Variants in XPO1 observed in about 807,000 individuals in gnomAD.
The protein encoded by XPO1 is exportin-1.
A neutral mutation model predicts 133.3 loss-of-function variants in XPO1; 5 were observed. That is an observed-to-expected ratio of 0.04 (90% CI 0.02 to 0.08). The LOEUF (loss-of-function observed/expected upper bound fraction) is 0.08, where lower values mean the gene tolerates loss of function less well. Ranked by LOEUF, XPO1 falls within the 10% of genes least tolerant of loss-of-function variation. The pLI is 1.00. For synonymous variants in XPO1, 419 were observed against 408.2 expected (o/e 1.03, Z -0.32); for missense variants, 506 against 1,267.5 (o/e 0.40, Z 9.12).
intron 21 of XPO1, 59 bp downstream of exon 21, chr2:61,483,878 A>T: frequency 6.4e-7 from 1 of 1,558,378 alleles, no homozygotes; most frequent in Non-Finnish European, 8.8e-7. Context: ...ATGTACAATT[A>T]ACTATATTTG....
At chr2:61,501,951 A>G (rs1417715898) in intron 6 of XPO1, 45 bp downstream of exon 6, 7 of 1,492,972 alleles carry the variant, frequency 4.7e-6, no homozygotes, top group Non-Finnish European at 6.4e-6. Flanking sequence ...TTGTTCAAAT[A>G]ATAAGCATAA....
chr2:61,534,620 T>C (rs1040375647), intron 1 of XPO1: 1 of 152,130 alleles, frequency 6.6e-6, no homozygotes, highest in Non-Finnish European at 1.5e-5. Flanking sequence ...GAGACGGAGT[T>C]TGCAGTAAGC....
At chr2:61,516,545 G>A (rs1015915083) in intron 4 of XPO1, among the ~76,000 whole-genome samples, 3 of 151,838 alleles carry the variant, frequency 2.0e-5, no homozygotes, top group Non-Finnish European at 4.4e-5. Flanking sequence ...CTCCCCAATA[G>A]CTGGGATTAC....
chr2:61,527,800 A>T (rs1698970050), intron 2 of XPO1, among the ~76,000 whole-genome samples: 2 of 152,126 alleles, frequency 1.3e-5, no homozygotes, highest in Non-Finnish European at 2.9e-5. Flanking sequence ...CAACCCAGAA[A>T]TACTAATCTA....
At chr2:61,507,585 T>A (rs2104584505) in intron 4 of XPO1, among the ~76,000 whole-genome samples, 1 of 150,518 alleles carries the variant, frequency 6.6e-6, no homozygotes, top group Admixed American at 6.6e-5. Context: ...AAAAAAAAAA[T>A]CAAACAAGGC....
chr2:61,500,705 AGG>A (rs2104514055), intron 6 of XPO1, among the ~76,000 whole-genome samples: 1 of 152,136 alleles, frequency 6.6e-6, no homozygotes, highest in Admixed American at 6.5e-5. Context: ...AGGCCAAGGC[AGG>A]AGAATTGCTT....
rs557411079 is a variant in XPO1 at position 61,522,597 on chromosome 2, C to T, written c.301+14G>A. 4.4e-5 allele frequency: 71 copies of T among 1,608,054 alleles called. No homozygotes were observed. The South Asian group carries it at 7.2e-4, about 16-fold the overall frequency. ...AAAACAAAACTCTGAATTTATAATTCTTTATTTTCCTACCTTCGCACTGGT... is the reference window on the plus strand; with the variant it reads ...AAAACAAAACTCTGAATTTATAATTTTTTATTTTCCTACCTTCGCACTGGT... On this transcript the variant is annotated intron_variant, in intron 4 of 24. Coordinates refer to ENST00000401558, the MANE Select transcript of XPO1 (RefSeq NM_003400.4).
At chr2:61,528,253 T>C (rs973247984) in intron 2 of XPO1, among the ~76,000 whole-genome samples, 1 of 152,174 alleles carries the variant, frequency 6.6e-6, no homozygotes, top group African/African-American at 2.4e-5. Flanking sequence ...ACTTAGTGTG[T>C]CTTTTCCTGT....
In XPO1 at chr2:61,478,079, T is replaced by TAACA. The variant is rs1696147943; in HGVS notation, c.*737_*740dup. 1 of 230,758 alleles carries TAACA rather than the reference T, an allele frequency of 4.3e-6. No individual in the cohort carries two copies. The highest frequency in any genetic ancestry group is 2.2e-5 in the African/African-American group (1 of 45,182). 14.3% of individuals were successfully genotyped at this position (230,758 alleles called of 1,614,324 possible). On this transcript the variant is annotated 3_prime_UTR_variant, in exon 25 of 25. Coordinates refer to ENST00000401558, the MANE Select transcript of XPO1 (RefSeq NM_003400.4). ...GTTGTTAAAAAGATGCAGCCTATTC[T>TAACA]AACAGGATAAATATTTTTAACCATT...
At chr2:61,507,085 A>G (rs942352422) in intron 4 of XPO1, among the ~76,000 whole-genome samples, 2 of 151,674 alleles carry the variant, frequency 1.3e-5, no homozygotes, top group African/African-American at 2.4e-5. Context: ...CAAAAAATAA[A>G]AACAAAAAAA....
chr2:61,493,843 T>A (rs1386814459), intron 12 of XPO1, 51 bp downstream of exon 12: 1 of 1,592,878 alleles, frequency 6.3e-7, no homozygotes, highest in Non-Finnish European at 8.6e-7. Context: ...GATTCAGACC[T>A]CAAAACCACA....
At chr2:61,500,578 C>CAAAAAAAAAAAAAAAAAAAAAAAAAA (rs56213841) in intron 6 of XPO1, among the ~76,000 whole-genome samples, 1 of 40,424 alleles carries the variant, frequency 2.5e-5, no homozygotes. Flanking sequence ...GACTCCATCT[C>CAAAAAAAAAAAAAAAAAAAAAAAAAA]AAAAAAAAAA....
chr2:61,527,763 C>A (rs975522754), intron 2 of XPO1, among the ~76,000 whole-genome samples: 1 of 151,964 alleles, frequency 6.6e-6, no homozygotes, highest in African/African-American at 2.4e-5. Context: ...AAACTATTTC[C>A]GTTTTTATTT....
At chr2:61,488,135 G>C (rs1321414279) in intron 19 of XPO1, 30 bp downstream of exon 19, 2 of 1,586,252 alleles carry the variant, frequency 1.3e-6, no homozygotes, top group African/African-American at 1.3e-5. Context: ...ATCAACACTA[G>C]AAATCAAAAG....
At chr2:61,525,095 C>A (rs1397913987) in intron 3 of XPO1, among the ~76,000 whole-genome samples, 1 of 152,060 alleles carries the variant, frequency 6.6e-6, no homozygotes, top group African/African-American at 2.4e-5. Context: ...GGACAGATAA[C>A]AGCAAAGACT....
chr2:61,494,155 A>C (rs745817041), intron 11 of XPO1, 64 bp from the exon 12 acceptor site: 140 of 1,421,242 alleles, frequency 9.9e-5, no homozygotes, highest in Non-Finnish European at 1.3e-4. Flanking sequence ...ATTGCTTTTC[A>C]CTTGTTACAC....
At chr2:61,518,593 G>A (rs1002441798) in intron 4 of XPO1, among the ~76,000 whole-genome samples, 1 of 151,858 alleles carries the variant, frequency 6.6e-6, no homozygotes, top group African/African-American at 2.4e-5. Flanking sequence ...CTCCAGCCTG[G>A]GCAACAGAGC....
chr2:61,520,719 A>G (rs966278123), intron 4 of XPO1, among the ~76,000 whole-genome samples: 2 of 152,238 alleles, frequency 1.3e-5, no homozygotes, highest in African/African-American at 2.4e-5. Flanking sequence ...CAGTGTTGAT[A>G]AACTAGTATA....
At chr2:61,531,893 G>T (rs1265877368) in intron 2 of XPO1, among the ~76,000 whole-genome samples, 1 of 151,822 alleles carries the variant, frequency 6.6e-6, no homozygotes, top group Non-Finnish European at 1.5e-5. Context: ...TATAAACCTG[G>T]GCTAACAAGC....
Sources: allele counts gnomAD v4.1 joint callset (sites outside exome capture counted in the v4.1 genomes callset), GRCh38; gene constraint gnomAD v4.1.1; transcripts MANE v1.5; gene names NCBI Gene and HGNC (gene_info 2026-07-23, HGNC 2026-07-21).